Variants in FBLN7 observed in about 807,000 individuals in gnomAD.
FBLN7 encodes fibulin 7.
A neutral mutation model predicts 44.0 loss-of-function variants in FBLN7; 31 were observed. The ratio of observed to expected loss-of-function variants is 0.70; its 90% CI spans 0.53 to 0.95. The LOEUF (loss-of-function observed/expected upper bound fraction) is 0.95. Among genes scored for constraint, FBLN7 ranks in the 40% least tolerant of loss-of-function variants. FBLN7 has a pLI of 0.00. For missense variants in FBLN7, 573 were observed against 618.5 expected (o/e 0.93, Z 0.78); for synonymous variants, 262 against 253.4 (o/e 1.03, Z -0.32).
chr2:112,162,689 C>A (rs1681939916), intron 2 of FBLN7, among the ~76,000 whole-genome samples: 1 of 152,208 alleles, frequency 6.6e-6, no homozygotes, highest in Non-Finnish European at 1.5e-5. Context: ...TGGGATGTGA[C>A]TACAAATTGA....
the FBLN7 span, among the ~76,000 whole-genome samples, chr2:112,243,355 C>T: frequency 2.6e-5 from 4 of 152,112 alleles, no homozygotes; most frequent in African/African-American, 7.2e-5. Context: ...AGAGAAGAAT[C>T]GAACAAAGTT....
the FBLN7 span, among the ~76,000 whole-genome samples, chr2:112,194,700 G>T: frequency 6.6e-6 from 1 of 152,316 alleles, no homozygotes; most frequent in South Asian, 2.1e-4. Flanking sequence ...TTTTCAAAAC[G>T]CCACTCCTGG....
At chr2:112,228,082 TAA>T in the FBLN7 span, among the ~76,000 whole-genome samples, 285 of 152,342 alleles carry the variant, frequency 1.9e-3, 1 homozygote, top group Non-Finnish European at 3.1e-3. Context: ...TGATAGTGTA[TAA>T]GGACACACAT....
At chr2:112,167,362 C>T (rs1033319800) in intron 3 of FBLN7, among the ~76,000 whole-genome samples, 2 of 151,972 alleles carry the variant, frequency 1.3e-5, no homozygotes, top group Non-Finnish European at 2.9e-5. Flanking sequence ...AGACCCAAAG[C>T]GCTCCCCACA....
At chr2:112,206,196 C>A in the FBLN7 span, among the ~76,000 whole-genome samples, 4 of 152,236 alleles carry the variant, frequency 2.6e-5, no homozygotes, top group Non-Finnish European at 4.4e-5. Context: ...CCTTTCATTT[C>A]TTGCAGGATT....
chr2:112,160,139 C>T (rs372876072), intron 2 of FBLN7, among the ~76,000 whole-genome samples: 2,062 of 152,196 alleles, frequency 0.014, 31 homozygotes, highest in African/African-American at 0.035. Context: ...TACAGGCGCC[C>T]GCCACCACGC....
Position 112,138,712 on chromosome 2 carries a change from C to G in FBLN7, c.57C>G (p.Pro19=), listed in dbSNP as rs1680471547. The G allele has an allele frequency of 3.7e-6, 6 of 1,612,804 alleles. No homozygotes were observed. Among genetic ancestry groups the G allele is most frequent in the Admixed American group, 1.7e-5 (1 of 59,978 alleles). The part of the protein sequence containing the change: ...LFLLLLILAC[P]EPRASQNCLS... ...TTCTGCTCCTGATCCTCGCCTGCCC[C>G]GAGCCGCGGGCTTCCCAGGTCAGTG... Residue 19 remains proline, a synonymous_variant, in exon 1 of 8, where the codon CCC becomes CCG. Transcript: ENST00000331203.
chr2:112,243,816 A>T, the FBLN7 span, among the ~76,000 whole-genome samples: 1 of 152,168 alleles, frequency 6.6e-6, no homozygotes, highest in Non-Finnish European at 1.5e-5. Flanking sequence ...CAAAAAAGCA[A>T]GAAAATAACT....
chr2:112,184,734 G>GTA lies in FBLN7; in HGVS notation c.809-456_809-455dup, dbSNP rs752232305. ...TGGTATATGTATATATATGTATATG[G>GTA]TATATATATATACACACACCATATA... On this transcript the variant is annotated intron_variant, in intron 6 of 7. Coordinates refer to ENST00000331203, the MANE Select transcript of FBLN7 (RefSeq NM_153214.3). Among the ~76,000 whole-genome samples, 189 of 142,678 alleles carry GTA rather than the reference G, an allele frequency of 1.3e-3. 2 individuals carry two copies. Among genetic ancestry groups the GTA allele is most frequent in the African/African-American group, 3.9e-3 (151 of 38,528 alleles). 93.6% of individuals were successfully genotyped at this position (142,678 alleles called of 152,430 possible).
Sources: allele counts gnomAD v4.1 joint callset (sites outside exome capture counted in the v4.1 genomes callset), GRCh38; gene constraint gnomAD v4.1.1; transcripts MANE v1.5; gene names NCBI Gene and HGNC (gene_info 2026-07-23, HGNC 2026-07-21).